PCCA: variants seen among roughly 807,000 people sequenced by gnomAD.
PCCA encodes propionyl-CoA carboxylase alpha chain, mitochondrial.
PCCA carries 74 observed loss-of-function variants against 101.3 expected under a neutral mutation model. That is an observed-to-expected ratio of 0.73 (90% CI 0.61 to 0.89). The LOEUF (loss-of-function observed/expected upper bound fraction) is 0.89, where lower values mean the gene tolerates loss of function less well. Among genes scored for constraint, PCCA ranks in the 40% least tolerant of loss-of-function variants. PCCA has a pLI of 0.00. For synonymous variants in PCCA, 294 were observed against 313.6 expected, an observed-to-expected ratio of 0.94 and a Z score of 0.66; for missense variants, 891 against 907.0, an observed-to-expected ratio of 0.98 and a Z score of 0.23.
chr13:100,276,193 T>C (rs1354142559), intron 12 of PCCA, among the ~76,000 whole-genome samples: 1 of 122,810 alleles, frequency 8.1e-6, no homozygotes, highest in East Asian at 2.2e-4. Context: ...CTGGGTAACA[T>C]AGTGAGAACT....
chr13:100,203,206 G>A (rs1173242307), intron 6 of PCCA, among the ~76,000 whole-genome samples: 3 of 151,472 alleles, frequency 2.0e-5, no homozygotes, highest in Non-Finnish European at 4.4e-5. Flanking sequence ...CCTGGGAGGT[G>A]GAGGTTGCAG....
intron 12 of PCCA, among the ~76,000 whole-genome samples, chr13:100,290,460 G>C (rs965086683): frequency 6.6e-6 from 1 of 152,086 alleles, no homozygotes; most frequent in Non-Finnish European, 1.5e-5. Context: ...TGATCCTCCA[G>C]CTTGGCCTCC....
chr13:100,257,732 A>C (rs773062338), intron 9 of PCCA, 59 bp downstream of exon 9: 2 of 1,179,462 alleles, frequency 1.7e-6, no homozygotes, highest in Non-Finnish European at 2.5e-6. Flanking sequence ...AGTTTTATTA[A>C]ACTGACAGGT....
In PCCA at chr13:100,278,165, A is replaced by G. The variant is rs539255477; in HGVS notation, c.1065+4819A>G. On this transcript the variant is annotated intron_variant, in intron 12 of 23. Coordinates refer to ENST00000376285, the MANE Select transcript of PCCA (RefSeq NM_000282.4). ...TGTATCTTTATAACTAAGTATGTCT[A>G]ATTAGATTATTAGCTGGGAAATCAT... Among the ~76,000 whole-genome samples the G allele has an allele frequency of 2.0e-4, 30 of 152,304 alleles. No homozygotes were observed. The South Asian group carries it at 6.0e-3, about 31-fold the overall frequency.
chr13:100,153,197 C>G (rs2053544098), intron 4 of PCCA, among the ~76,000 whole-genome samples: 1 of 152,072 alleles, frequency 6.6e-6, no homozygotes, highest in Admixed American at 6.6e-5. Context: ...GCTTTAATCA[C>G]ATAACATTGG....
chr13:100,266,371 G>C (rs2062933605), intron 10 of PCCA, among the ~76,000 whole-genome samples: 1 of 152,108 alleles, frequency 6.6e-6, no homozygotes, highest in African/African-American at 2.4e-5. Flanking sequence ...CATACAGCCT[G>C]GGTGATATTT....
chr13:100,507,667 T>G (rs1053261072), intron 21 of PCCA, among the ~76,000 whole-genome samples: 1 of 152,180 alleles, frequency 6.6e-6, no homozygotes, highest in African/African-American at 2.4e-5. Flanking sequence ...TTTTCTTTTC[T>G]TTTTCTTGAG....
intron 4 of PCCA, among the ~76,000 whole-genome samples, chr13:100,122,283 T>C (rs1260776128): frequency 6.6e-6 from 1 of 152,202 alleles, no homozygotes; most frequent in Non-Finnish European, 1.5e-5. Context: ...GTGTTCATAT[T>C]TACAAGAGAT....
chr13:100,256,612 G>T (rs929930343), intron 8 of PCCA, among the ~76,000 whole-genome samples: 1 of 152,152 alleles, frequency 6.6e-6, no homozygotes, highest in African/African-American at 2.4e-5. Flanking sequence ...ATGTTTTGTG[G>T]TTTGGGGTTC....
intron 8 of PCCA, among the ~76,000 whole-genome samples, chr13:100,247,150 C>T (rs1230036956): frequency 8.6e-5 from 13 of 151,676 alleles, no homozygotes; most frequent in Admixed American, 2.6e-4. Context: ...TCGGGTCATC[C>T]GCCCACCTTG....
intron 12 of PCCA, among the ~76,000 whole-genome samples, chr13:100,297,699 G>A (rs1045883692): frequency 2.3e-4 from 35 of 152,312 alleles, no homozygotes; most frequent in African/African-American, 7.5e-4. Context: ...ACCATCTAGC[G>A]TAGGTGTATG....
At chr13:100,312,050 C>A (rs2066957487) in intron 16 of PCCA, among the ~76,000 whole-genome samples, 1 of 152,078 alleles carries the variant, frequency 6.6e-6, no homozygotes, top group African/African-American at 2.4e-5. Context: ...TGATCTTTAT[C>A]TTGTTTGTAT....
At chr13:100,203,454 C>T (rs2058659508) in intron 6 of PCCA, among the ~76,000 whole-genome samples, 1 of 151,954 alleles carries the variant, frequency 6.6e-6, no homozygotes, top group South Asian at 2.1e-4. Flanking sequence ...CTTTGGGAGG[C>T]CGAGGCGGGT....
chr13:100,436,080 A>G (rs1446022081), intron 20 of PCCA, among the ~76,000 whole-genome samples: 1 of 152,062 alleles, frequency 6.6e-6, no homozygotes, highest in African/African-American at 2.4e-5. Context: ...AAAGAAAATG[A>G]AACTGTACTC....
chr13:100,482,351 A>AGGG (rs1260478989), intron 21 of PCCA, among the ~76,000 whole-genome samples: 1 of 152,176 alleles, frequency 6.6e-6, no homozygotes, highest in Non-Finnish European at 1.5e-5. Context: ...GATGAAGAGA[A>AGGG]GGGGCCAATA....
intron 19 of PCCA, among the ~76,000 whole-genome samples, chr13:100,376,016 G>A (rs2075877118): frequency 6.6e-6 from 1 of 152,172 alleles, no homozygotes; most frequent in African/African-American, 2.4e-5. Context: ...ACCTTCGGAT[G>A]GGGTTTTTGT....
intron 22 of PCCA, among the ~76,000 whole-genome samples, chr13:100,523,678 G>A (rs916227550): frequency 6.6e-6 from 1 of 152,178 alleles, no homozygotes; most frequent in Admixed American, 6.5e-5. Flanking sequence ...CCTTGACCTC[G>A]TGTCAAAGGA....
At chr13:100,101,432 A>T (rs2047270528) in intron 1 of PCCA, among the ~76,000 whole-genome samples, 1 of 152,302 alleles carries the variant, frequency 6.6e-6, no homozygotes, top group African/African-American at 2.4e-5. Context: ...GAAGGAATAT[A>T]TGAGAGATAG....
At chr13:100,342,236 C>T (rs984658019) in intron 18 of PCCA, among the ~76,000 whole-genome samples, 1 of 151,908 alleles carries the variant, frequency 6.6e-6, no homozygotes. Context: ...AATATACAAA[C>T]ACACATATAC....
Sources: gnomAD v4.1 joint callset for allele counts (sites outside exome capture counted in the v4.1 genomes callset) on GRCh38, gnomAD v4.1.1 for gene constraint, MANE v1.5 for transcripts, NCBI Gene and HGNC (gene_info 2026-07-23, HGNC 2026-07-21) for gene names.